SLC13A1: variants seen among roughly 807,000 people sequenced by gnomAD.
SLC13A1 encodes solute carrier family 13 member 1, also known as Na(+)/sulfate cotransporter.
A neutral mutation model predicts 70.0 loss-of-function variants in SLC13A1; 65 were observed. That is an observed-to-expected ratio of 0.93 (90% CI 0.76 to 1.14). The LOEUF (loss-of-function observed/expected upper bound fraction) is 1.14, where lower values mean the gene tolerates loss of function less well. SLC13A1 is among the 50% of genes most tolerant of loss of function. The pLI, the probability that SLC13A1 is intolerant of heterozygous loss-of-function variation, is 0.00. For missense variants in SLC13A1, 726 were observed against 717.8 expected (o/e 1.01, Z -0.13); for synonymous variants, 275 against 250.5 (o/e 1.10, Z -0.92).
chr7:123,129,315 C>A, intron 9 of SLC13A1, 68 bp downstream of exon 9: 1 of 1,206,166 alleles, frequency 8.3e-7, no homozygotes, highest in Non-Finnish European at 1.2e-6. Flanking sequence ...AACAGCATTT[C>A]TCTCTTCTCT....
At chr7:123,193,512 G>T (rs1796069313) in intron 1 of SLC13A1, among the ~76,000 whole-genome samples, 1 of 152,130 alleles carries the variant, frequency 6.6e-6, no homozygotes, top group Non-Finnish European at 1.5e-5. Flanking sequence ...GCTGAGAGAG[G>T]CATCACCTCA....
chr7:123,171,691 T>C, intron 3 of SLC13A1, 77 bp downstream of exon 3: 1 of 1,410,534 alleles, frequency 7.1e-7, no homozygotes, highest in Non-Finnish European at 9.9e-7. Context: ...GGGCGTGAAT[T>C]ACTTATTTGA....
At chr7:123,134,304 A>C in intron 8 of SLC13A1, 106 bp downstream of exon 8, 2 of 1,033,396 alleles carry the variant, frequency 1.9e-6, no homozygotes, top group East Asian at 2.6e-5. Context: ...ACAAAAATGC[A>C]GAAAGGTAGC....
chr7:123,166,839 C>T (rs1005555272), intron 6 of SLC13A1, among the ~76,000 whole-genome samples: 16 of 152,056 alleles, frequency 1.1e-4, no homozygotes, highest in Non-Finnish European at 2.2e-4. Context: ...GTGAATAGTG[C>T]CGCAATAAAC....
intron 2 of SLC13A1, among the ~76,000 whole-genome samples, chr7:123,178,025 C>A (rs1360674608): frequency 6.7e-6 from 1 of 149,976 alleles, no homozygotes; most frequent in African/African-American, 2.5e-5. Context: ...CTTTCTCTCT[C>A]TCTCTCTCTA....
intron 1 of SLC13A1, among the ~76,000 whole-genome samples, chr7:123,192,600 G>A (rs1796032774): frequency 6.6e-6 from 1 of 152,064 alleles, no homozygotes; most frequent in Non-Finnish European, 1.5e-5. Flanking sequence ...GAGAAAAGCA[G>A]AGCCAATCAC....
chr7:123,135,462 A>C (rs1793920535), intron 7 of SLC13A1, among the ~76,000 whole-genome samples: 1 of 152,152 alleles, frequency 6.6e-6, no homozygotes, highest in Non-Finnish European at 1.5e-5. Flanking sequence ...AAAATCTGAA[A>C]AACAAAGATA....
intron 2 of SLC13A1, among the ~76,000 whole-genome samples, chr7:123,173,266 T>TA (rs1442217559): frequency 6.6e-6 from 1 of 152,134 alleles, no homozygotes; most frequent in Non-Finnish European, 1.5e-5. Context: ...TTCGTTTCGA[T>TA]AAAAAGCAAA....
At chr7:123,125,464 C>G in intron 11 of SLC13A1, 105 bp downstream of exon 11, 2 of 771,392 alleles carry the variant, frequency 2.6e-6, no homozygotes, top group Non-Finnish European at 4.3e-6. Context: ...AGGGATTGTG[C>G]CAGCATAGAC....
At chr7:123,159,121 G>A (rs1359470851) in intron 6 of SLC13A1, among the ~76,000 whole-genome samples, 1 of 152,062 alleles carries the variant, frequency 6.6e-6, no homozygotes, top group Non-Finnish European at 1.5e-5. Context: ...TAAATAGAAA[G>A]CGATGGTCTA....
chr7:123,155,850 G>A (rs1481294313), intron 6 of SLC13A1, among the ~76,000 whole-genome samples: 4 of 152,018 alleles, frequency 2.6e-5, no homozygotes, highest in South Asian at 2.1e-4. Context: ...GTAGAAGGCC[G>A]GGTTCTCCAT....
intron 11 of SLC13A1, among the ~76,000 whole-genome samples, chr7:123,123,639 A>T (rs1028868181): frequency 6.6e-6 from 1 of 152,132 alleles, no homozygotes; most frequent in Non-Finnish European, 1.5e-5. Flanking sequence ...TTCCAATAGC[A>T]TCTTGTAGCA....
Position 123,199,854 on chromosome 7 carries a change from G to A in SLC13A1, c.93C>T (p.His31=), listed in dbSNP as rs762692232. ...LVLLPLPIVL[H]TKEAECAYTL... is the part of the protein sequence containing the mutation. ...GTTCTCCAGGTTCACTCACCTTGGTGTGGAGGACGATGGGCAGAGGTAGTA... is the reference window on the plus strand; with the variant it reads ...GTTCTCCAGGTTCACTCACCTTGGTATGGAGGACGATGGGCAGAGGTAGTA... The change falls in exon 1 of 15, where the codon CAC becomes CAT. Residue 31 remains histidine (H), a synonymous_variant. Transcript: ENST00000194130. 5 of 1,609,996 alleles carry A rather than the reference G, an allele frequency of 3.1e-6. No homozygotes were observed. In the South Asian group the frequency reaches 5.5e-5, roughly 18 times the overall value.
At chr7:123,184,010 T>A (rs1795719743) in intron 1 of SLC13A1, among the ~76,000 whole-genome samples, 2 of 151,672 alleles carry the variant, frequency 1.3e-5, no homozygotes, top group Admixed American at 1.3e-4. Context: ...CATATCTGCA[T>A]GTCTTTGATA....
intron 8 of SLC13A1, 72 bp from the exon 9 acceptor site, chr7:123,129,553 G>T: frequency 1.8e-6 from 2 of 1,116,248 alleles, no homozygotes; most frequent in Non-Finnish European, 2.7e-6. Context: ...AGATATTTTT[G>T]TAAAACGTTG....
chr7:123,180,893 C>G, intron 2 of SLC13A1, 80 bp downstream of exon 2: 1 of 1,453,146 alleles, frequency 6.9e-7, no homozygotes, highest in Non-Finnish European at 9.3e-7. Context: ...GATGATTGCT[C>G]CCTTTAAAAA....
rs1375125009 is a variant in SLC13A1, at chr7:123,136,412, CAAAT to C, written c.813-1887_813-1884del. ...TTATACCTAGAGTGAATATTTTGGA[CAAAT>C]AAAGAAATATATGGCATACTCTAAG... On this transcript the variant is annotated intron_variant, in intron 7 of 14. Transcript: ENST00000194130. 3.9e-5 allele frequency among the ~76,000 whole-genome samples: 6 copies of C among 152,208 alleles called. No homozygotes were observed. In the East Asian group the frequency reaches 1.2e-3, roughly 29 times the overall value.
At chr7:123,187,275 T>G (rs1466020502) in intron 1 of SLC13A1, among the ~76,000 whole-genome samples, 1 of 152,172 alleles carries the variant, frequency 6.6e-6, no homozygotes, top group Non-Finnish European at 1.5e-5. Flanking sequence ...CATGAAGTTA[T>G]TATAGTATGG....
At chr7:123,142,094 A>ATTTTTATTTTTATT (rs1794173294) in intron 7 of SLC13A1, among the ~76,000 whole-genome samples, 1 of 151,838 alleles carries the variant, frequency 6.6e-6, no homozygotes, top group Non-Finnish European at 1.5e-5. Flanking sequence ...TTTATTTTTC[A>ATTTTTATTTTTATT]TGTATAGGGT....
Sources: allele counts gnomAD v4.1 joint callset (sites outside exome capture counted in the v4.1 genomes callset), GRCh38; gene constraint gnomAD v4.1.1; transcripts MANE v1.5; gene names NCBI Gene and HGNC (gene_info 2026-07-23, HGNC 2026-07-21).